The following HGSNAT variants were observed in gnomAD, a reference collection of about 807,000 sequenced individuals.
HGSNAT encodes heparan-alpha-glucosaminide N-acetyltransferase.
In HGSNAT, 59 loss-of-function variants were observed where a neutral mutation model predicts 85.2. That is an observed-to-expected ratio of 0.69 (90% CI 0.56 to 0.86). The LOEUF (loss-of-function observed/expected upper bound fraction) is 0.86, where lower values mean the gene tolerates loss of function less well. HGSNAT is among the 40% of genes least tolerant of loss of function. The pLI is 0.00. For missense variants in HGSNAT, 756 were observed against 777.1 expected (o/e 0.97, Z 0.32); for synonymous variants, 321 against 304.5 (o/e 1.05, Z -0.56).
intron 1 of HGSNAT, among the ~76,000 whole-genome samples, chr8:43,146,747 G>A (rs1324615729): frequency 6.6e-6 from 1 of 151,598 alleles, no homozygotes; most frequent in Non-Finnish European, 1.5e-5. Flanking sequence ...ATGCATGCAT[G>A]TGTGTGTGTG....
At chr8:43,162,991 G>C (rs1803315306) in intron 5 of HGSNAT, among the ~76,000 whole-genome samples, 2 of 152,068 alleles carry the variant, frequency 1.3e-5, no homozygotes, top group Non-Finnish European at 2.9e-5. Flanking sequence ...TTTGAGACCA[G>C]CCTGGTAACA....
chr8:43,163,329 G>A (rs1187761895), intron 5 of HGSNAT, among the ~76,000 whole-genome samples: 1 of 152,114 alleles, frequency 6.6e-6, no homozygotes, highest in African/African-American at 2.4e-5. Flanking sequence ...TGACAAAGCA[G>A]GAGTCCCTTA....
chr8:43,184,022 A>G (rs2130787778), intron 11 of HGSNAT, among the ~76,000 whole-genome samples: 1 of 152,166 alleles, frequency 6.6e-6, no homozygotes, highest in South Asian at 2.1e-4. Flanking sequence ...CATTTTCTTA[A>G]TCCAGTCTAT....
Position 43,140,567 on chromosome 8 carries a change from C to A in HGSNAT, c.71C>A (p.Ala24Asp). ...AASVLSAALL[A>D]PGGSSGRDAQ... is the part of the protein sequence containing the mutation. Reference sequence around the variant, plus strand: ...TCCGTGCTGAGCGCCGCGCTGCTGGCCCCCGGCGGCTCTTCGGGGCGCGAT... The same window carrying A: ...TCCGTGCTGAGCGCCGCGCTGCTGGACCCCGGCGGCTCTTCGGGGCGCGAT... The change falls in exon 1 of 18, where the codon GCC becomes GAC. Residue 24 changes from alanine to aspartate, a missense_variant. Coordinates refer to ENST00000379644, the MANE Select transcript of HGSNAT (RefSeq NM_152419.3). The A allele has an allele frequency of 2.5e-6, 3 of 1,220,648 alleles. No homozygotes were observed. The highest frequency in any genetic ancestry group is 2.5e-5 in the South Asian group (1 of 39,456). 75.6% of individuals were successfully genotyped at this position (1,220,648 alleles called of 1,614,324 possible). A position where few individuals can be genotyped will look rare whatever the true frequency, so the allele number is the denominator to read the frequency against.
At chr8:43,189,109 C>T (rs930682591) in intron 11 of HGSNAT, among the ~76,000 whole-genome samples, 8 of 152,190 alleles carry the variant, frequency 5.3e-5, no homozygotes, top group South Asian at 2.1e-4. Context: ...GCAGTCTGTC[C>T]GTTCTCAGAT....
chr8:43,194,336 T>C (rs1804638473), intron 14 of HGSNAT: 1 of 937,224 alleles, frequency 1.1e-6, no homozygotes, highest in Non-Finnish European at 1.3e-6. Context: ...AGGTTGAGGC[T>C]GCAGTGAGCC....
chr8:43,180,096 T>TGCTG, intron 10 of HGSNAT, among the ~76,000 whole-genome samples: 1 of 22,868 alleles, frequency 4.4e-5, no homozygotes. Context: ...ACGGGGCGGC[T>TGCTG]GGCCGACCCC....
chr8:43,184,963 T>C (rs1804256631), intron 11 of HGSNAT, among the ~76,000 whole-genome samples: 1 of 152,210 alleles, frequency 6.6e-6, no homozygotes, highest in Admixed American at 6.5e-5. Flanking sequence ...GTGGTATTAT[T>C]TCTGAGGGCT....
intron 9 of HGSNAT, chr8:43,174,216 CA>C (rs766928181): frequency 0.011 from 1,223 of 111,604 alleles, 8 homozygotes; most frequent in African/African-American, 0.034. Context: ...GACTTCATCT[CA>C]AAAAAAAAAA....
chr8:43,194,071 A>G (rs768990305), intron 14 of HGSNAT: 12 of 1,312,070 alleles, frequency 9.1e-6, no homozygotes, highest in South Asian at 4.3e-5. Context: ...TCTTACTTAT[A>G]TGGCTTATCT....
At position 43,199,718 on chromosome 8, in the gene HGSNAT, G is replaced by T. The variant is rs191719106; in HGVS notation, c.*149G>T. On this transcript the variant is annotated 3_prime_UTR_variant, in exon 18 of 18. Coordinates refer to ENST00000379644, the MANE Select transcript of HGSNAT (RefSeq NM_152419.3). ...GGAAGACACTGATGTCCTCAAACTG[G>T]TTAACTGTGACACGGCTCGCCAGAA... is the stretch of plus-strand genomic sequence containing the variant. The T allele has an allele frequency of 8.8e-4, 424 of 483,756 alleles. 1 individual carries two copies. Among genetic ancestry groups the T allele is most frequent in the Non-Finnish European group, 5.7e-4 (165 of 291,696 alleles). The allele number at this position is 483,756 out of a possible 1,614,324, so 30.0% of individuals were successfully genotyped here. A position where few individuals can be genotyped will look rare whatever the true frequency, so the allele number is the denominator to read the frequency against.
chr8:43,146,756 T>C (rs1358678955), intron 1 of HGSNAT, among the ~76,000 whole-genome samples, 192 bp from the exon 2 acceptor site: 2 of 152,096 alleles, frequency 1.3e-5, no homozygotes, highest in Admixed American at 6.5e-5. Flanking sequence ...TGTGTGTGTG[T>C]GCACATGCAT....
Position 43,172,518 on chromosome 8 carries a change from C to T in HGSNAT, c.820+132C>T, listed in dbSNP as rs1803661164. 4 of 650,650 alleles carry T rather than the reference C, an allele frequency of 6.1e-6. No individual in the cohort carries two copies. In the East Asian group the frequency reaches 7.9e-5, roughly 13 times the overall value. 40.3% of individuals were successfully genotyped at this position (650,650 alleles called of 1,614,324 possible). A position where few individuals can be genotyped will look rare whatever the true frequency, so the allele number is the denominator to read the frequency against. On this transcript the variant is annotated intron_variant, in intron 8 of 17. Coordinates refer to ENST00000379644, the MANE Select transcript of HGSNAT (RefSeq NM_152419.3). ...GCAGCCTCCTCTGAGCCACTGAGCT[C>T]CTGCTCCCTCCTAGGGTGACCTGTA...
At chr8:43,182,035 T>A (rs1804143197) in intron 10 of HGSNAT, 110 bp from the exon 11 acceptor site, 1 of 816,866 alleles carries the variant, frequency 1.2e-6, no homozygotes, top group Non-Finnish European at 2.1e-6. Context: ...AAAAAAGACT[T>A]ACTTAGATGC....
intron 11 of HGSNAT, among the ~76,000 whole-genome samples, chr8:43,184,589 C>T (rs1804242944): frequency 6.6e-6 from 1 of 152,174 alleles, no homozygotes; most frequent in African/African-American, 2.4e-5. Context: ...TGTAGGTTGC[C>T]TGTTCACTCT....
intron 2 of HGSNAT, among the ~76,000 whole-genome samples, chr8:43,156,150 T>C (rs1803087997): frequency 6.6e-6 from 1 of 152,242 alleles, no homozygotes; most frequent in Non-Finnish European, 1.5e-5. Context: ...ACCTACTTTT[T>C]TGATGTAGAC....
chr8:43,192,611 A>G (rs1047614448), intron 13 of HGSNAT, among the ~76,000 whole-genome samples, 181 bp downstream of exon 13: 2 of 152,130 alleles, frequency 1.3e-5, no homozygotes, highest in Admixed American at 6.5e-5. Context: ...GTGTGTAAAC[A>G]TTATTTTGGA....
At chr8:43,182,715 G>A (rs142852185) in intron 11 of HGSNAT, among the ~76,000 whole-genome samples, 246 of 152,134 alleles carry the variant, frequency 1.6e-3, no homozygotes, top group African/African-American at 5.7e-3. Context: ...CAAATTGCTG[G>A]GATTACAGGT....
chr8:43,148,843 G>A (rs953291564), intron 2 of HGSNAT, among the ~76,000 whole-genome samples: 1 of 151,478 alleles, frequency 6.6e-6, no homozygotes, highest in African/African-American at 2.4e-5. Context: ...GACAGGCCGT[G>A]CACGGTGGCT....
Sources: gnomAD v4.1 joint callset for allele counts (sites outside exome capture counted in the v4.1 genomes callset) on GRCh38, gnomAD v4.1.1 for gene constraint, MANE v1.5 for transcripts, NCBI Gene and HGNC (gene_info 2026-07-23, HGNC 2026-07-21) for gene names.